The following CDKL4 variants were observed in gnomAD, a reference collection of about 807,000 sequenced individuals.
CDKL4 encodes the protein cyclin-dependent kinase-like 4.
Under a neutral mutation model 42.0 loss-of-function variants are expected in CDKL4, and 44 were observed. The observed-to-expected ratio is 1.05, with a 90% CI of 0.82 to 1.35. The LOEUF (loss-of-function observed/expected upper bound fraction) is 1.35. Among genes scored for constraint, CDKL4 ranks in the 40% most tolerant of loss-of-function variants. The pLI is 0.00. For missense variants in CDKL4, 393 were observed against 369.9 expected (o/e 1.06, Z -0.51); for synonymous variants, 120 against 121.6 (o/e 0.99, Z 0.09).
At chr2:39,187,911 T>A (rs958871726) in intron 6 of CDKL4, among the ~76,000 whole-genome samples, 1 of 151,762 alleles carries the variant, frequency 6.6e-6, no homozygotes, top group African/African-American at 2.4e-5. Flanking sequence ...CTACTAAAAA[T>A]ACAAAAATTA....
chr2:39,197,798 T>A (rs966890385), intron 5 of CDKL4, among the ~76,000 whole-genome samples: 4 of 152,174 alleles, frequency 2.6e-5, no homozygotes, highest in African/African-American at 4.8e-5. Flanking sequence ...TGAGAGAATT[T>A]GCCAATGCCA....
chr2:39,204,029 C>G (rs895403537), intron 5 of CDKL4, among the ~76,000 whole-genome samples: 18 of 152,174 alleles, frequency 1.2e-4, no homozygotes, highest in African/African-American at 4.3e-4. Flanking sequence ...GTCCCCCTTT[C>G]CCTTCAGTTC....
At chr2:39,209,708 G>A (rs558576800) in intron 4 of CDKL4, among the ~76,000 whole-genome samples, 1 of 152,182 alleles carries the variant, frequency 6.6e-6, no homozygotes, top group Admixed American at 6.5e-5. Flanking sequence ...CTCTGGAGAT[G>A]ATAAGGTGCA....
chr2:39,244,957 A>T (rs1446852376), upstream of CDKL4, among the ~76,000 whole-genome samples: 2 of 151,580 alleles, frequency 1.3e-5, no homozygotes, highest in African/African-American at 4.9e-5. Flanking sequence ...AACTGATCTG[A>T]TGGGGACGTG....
At chr2:39,176,122 AG>A (rs1350376990) in intron 9 of CDKL4, 26 bp from the exon 10 acceptor site, 4 of 453,050 alleles carry the variant, frequency 8.8e-6, no homozygotes, top group Non-Finnish European at 1.8e-5. Context: ...GACAACAATA[AG>A]AAAGCAAATT....
At position 39,185,331 on chromosome 2, in the gene CDKL4, TATGTATATATATAC is replaced by T. The variant is rs1675709058; in HGVS notation, c.736-698_736-685del. On this transcript the variant is annotated intron_variant, in intron 7 of 9. Transcript: ENST00000451199. ...ATGTATATATACATATATATACACATATGTATATATATACACATATGTATATATACATATATATA... is the reference window on the plus strand; with the variant it reads ...ATGTATATATACATATATATACACATACATATGTATATATACATATATATA... 7.8e-5 allele frequency among the ~76,000 whole-genome samples: 8 copies of T among 102,326 alleles called. 1 individual carries two copies. Among genetic ancestry groups the T allele is most frequent in the African/African-American group, 3.3e-4 (8 of 24,448 alleles). The allele number at this position is 102,326 out of a possible 152,430, so 67.1% of individuals were successfully genotyped here. A position where few individuals can be genotyped will look rare whatever the true frequency, so the allele number is the denominator to read the frequency against.
intron 1 of CDKL4, among the ~76,000 whole-genome samples, chr2:39,239,765 C>T (rs993607936): frequency 6.6e-6 from 1 of 152,208 alleles, no homozygotes; most frequent in Non-Finnish European, 1.5e-5. Flanking sequence ...CAGCACAGCT[C>T]CATTGGAAAA....
At chr2:39,217,091 A>C (rs1235699747) in intron 3 of CDKL4, among the ~76,000 whole-genome samples, 1 of 152,212 alleles carries the variant, frequency 6.6e-6, no homozygotes, top group Non-Finnish European at 1.5e-5. Context: ...CGCGGCGCCC[A>C]GTCCAGAAAG....
In CDKL4 at chr2:39,179,006, T is replaced by G; in HGVS notation, c.927+181A>C. 2.1e-6 allele frequency: 3 copies of G among 1,451,106 alleles called. No homozygotes were observed. The South Asian group carries it at 4.5e-5, about 22-fold the overall frequency. 89.9% of individuals were successfully genotyped at this position (1,451,106 alleles called of 1,614,324 possible). A position where few individuals can be genotyped will look rare whatever the true frequency, so the allele number is the denominator to read the frequency against. ...AATAAGATTTTTGCAATAATCTTGATATTTTCATAGTTCTATGGTTTTATT... is the reference window on the plus strand; with the variant it reads ...AATAAGATTTTTGCAATAATCTTGAGATTTTCATAGTTCTATGGTTTTATT... On this transcript the variant is annotated intron_variant, in intron 9 of 9. Coordinates refer to ENST00000451199, the Ensembl canonical transcript of CDKL4.
intron 1 of CDKL4, among the ~76,000 whole-genome samples, chr2:39,236,320 A>G (rs1031387358): frequency 1.3e-5 from 2 of 152,212 alleles, no homozygotes; most frequent in African/African-American, 4.8e-5. Context: ...AGGCAAAATC[A>G]ATACTACCAA....
intron 1 of CDKL4, among the ~76,000 whole-genome samples, chr2:39,235,799 G>A (rs924514159): frequency 5.3e-5 from 8 of 151,608 alleles, no homozygotes; most frequent in Non-Finnish European, 1.2e-4. Flanking sequence ...CCCCACAATT[G>A]CTATAATATT....
chr2:39,196,454 T>C (rs1490811378), intron 5 of CDKL4, among the ~76,000 whole-genome samples: 1 of 151,800 alleles, frequency 6.6e-6, no homozygotes, highest in Admixed American at 6.6e-5. Flanking sequence ...GGAAGCCCCA[T>C]CCCTAGGGGA....
chr2:39,217,060 A>T (rs778906089), intron 3 of CDKL4, among the ~76,000 whole-genome samples: 4 of 152,188 alleles, frequency 2.6e-5, no homozygotes, highest in South Asian at 2.1e-4. Flanking sequence ...GAAGATAACC[A>T]TCAAAGAGAG....
chr2:39,186,855 T>A (rs1465153468), intron 7 of CDKL4, among the ~76,000 whole-genome samples: 1 of 152,228 alleles, frequency 6.6e-6, no homozygotes, highest in Non-Finnish European at 1.5e-5. Flanking sequence ...AATTATGTAG[T>A]ATCTAAGATA....
At chr2:39,240,677 TAA>T (rs768356807) in intron 1 of CDKL4, among the ~76,000 whole-genome samples, 14 of 87,878 alleles carry the variant, frequency 1.6e-4, no homozygotes, top group Non-Finnish European at 2.9e-4. Flanking sequence ...AGATGAACAT[TAA>T]AAAAAAAAAA....
intron 3 of CDKL4, among the ~76,000 whole-genome samples, chr2:39,223,596 T>TTTA (rs1678506776): frequency 7.4e-6 from 1 of 135,742 alleles, no homozygotes; most frequent in African/African-American, 3.1e-5. Flanking sequence ...TTTTTTTTTT[T>TTTA]GAAGACTTCT....
chr2:39,180,435 C>T (rs1344925203), intron 8 of CDKL4, among the ~76,000 whole-genome samples: 1 of 152,236 alleles, frequency 6.6e-6, no homozygotes, highest in African/African-American at 2.4e-5. Context: ...CCTCAGATTT[C>T]TGAGATCCCT....
At chr2:39,199,313 AC>A (rs1329962111) in intron 5 of CDKL4, among the ~76,000 whole-genome samples, 1 of 152,146 alleles carries the variant, frequency 6.6e-6, no homozygotes, top group Non-Finnish European at 1.5e-5. Flanking sequence ...CTCTGAACAG[AC>A]CAATAAGAAG....
intron 3 of CDKL4, among the ~76,000 whole-genome samples, chr2:39,221,306 C>T (rs934705908): frequency 5.3e-5 from 8 of 152,204 alleles, no homozygotes; most frequent in East Asian, 3.9e-4. Context: ...TGAGCCACTG[C>T]GCCCGTCCAC....
Sources: gnomAD v4.1 joint callset for allele counts (sites outside exome capture counted in the v4.1 genomes callset) on GRCh38, gnomAD v4.1.1 for gene constraint, MANE v1.5 for transcripts, NCBI Gene and HGNC (gene_info 2026-07-23, HGNC 2026-07-21) for gene names.